ASTN2: variants seen among roughly 807,000 people sequenced by gnomAD.
ASTN2 encodes astrotactin-2.
Under a neutral mutation model 139.8 loss-of-function variants are expected in ASTN2, and 54 were observed. That is an observed-to-expected ratio of 0.39 (90% CI 0.31 to 0.48). The LOEUF is 0.48. Among genes scored for constraint, ASTN2 ranks in the 20% least tolerant of loss-of-function variants. The probability of loss-of-function intolerance (pLI) is 0.95; values close to 1 mark genes in which losing one functional copy is unlikely to be tolerated. For synonymous variants in ASTN2, 756 were observed against 719.5 expected, an observed-to-expected ratio of 1.05 and a Z score of -0.81; for missense variants, 1,565 against 1,725.1, an observed-to-expected ratio of 0.91 and a Z score of 1.64.
At chr9:116,655,552 C>T (rs188634874) in intron 16 of ASTN2, among the ~76,000 whole-genome samples, 1 of 152,314 alleles carries the variant, frequency 6.6e-6, no homozygotes, top group African/African-American at 2.4e-5. Context: ...AGGCTCTTCT[C>T]TCTGCACAGA....
intron 20 of ASTN2, among the ~76,000 whole-genome samples, chr9:116,444,110 T>C (rs1228179996): frequency 1.3e-5 from 2 of 152,184 alleles, no homozygotes; most frequent in Non-Finnish European, 2.9e-5. Flanking sequence ...ACTCTCTTTA[T>C]TTTATTTGTG....
chr9:116,576,745 G>A (rs185794286), intron 19 of ASTN2, among the ~76,000 whole-genome samples: 5 of 152,218 alleles, frequency 3.3e-5, no homozygotes, highest in Admixed American at 2.6e-4. Context: ...AAATAAAAGA[G>A]GGAAAGAGTA....
chr9:116,574,765 C>T (rs1225275446), intron 19 of ASTN2, among the ~76,000 whole-genome samples: 1 of 152,184 alleles, frequency 6.6e-6, no homozygotes, highest in Non-Finnish European at 1.5e-5. Flanking sequence ...TGCAGAAGTC[C>T]CAGTTTCATC....
intron 16 of ASTN2, among the ~76,000 whole-genome samples, chr9:116,659,028 T>G (rs1244221054): frequency 6.6e-6 from 1 of 152,058 alleles, no homozygotes; most frequent in African/African-American, 2.4e-5. Flanking sequence ...TAGAGGAAAA[T>G]TATCCCAGTA....
intron 10 of ASTN2, among the ~76,000 whole-genome samples, chr9:116,903,229 G>T (rs1834066217): frequency 6.6e-6 from 1 of 152,072 alleles, no homozygotes; most frequent in Non-Finnish European, 1.5e-5. Flanking sequence ...ATTTTACCCT[G>T]CTGTACTTTT....
At chr9:116,693,377 G>A (rs1860672217) in intron 16 of ASTN2, among the ~76,000 whole-genome samples, 1 of 152,130 alleles carries the variant, frequency 6.6e-6, no homozygotes, top group Non-Finnish European at 1.5e-5. Context: ...TACTACCTTG[G>A]TTACTCATTT....
chr9:116,635,962 G>A (rs1358309446), intron 17 of ASTN2, among the ~76,000 whole-genome samples: 1 of 152,212 alleles, frequency 6.6e-6, no homozygotes, highest in Non-Finnish European at 1.5e-5. Flanking sequence ...GAAAGATGAA[G>A]TGGAAAATGA....
intron 10 of ASTN2, among the ~76,000 whole-genome samples, chr9:116,902,721 C>A (rs1289543350): frequency 6.6e-6 from 1 of 152,202 alleles, no homozygotes; most frequent in South Asian, 2.1e-4. Flanking sequence ...TTTGGTTCTG[C>A]TTTTTCTAGA....
chr9:117,143,025 T>C (rs934582001), intron 3 of ASTN2, among the ~76,000 whole-genome samples: 1 of 152,206 alleles, frequency 6.6e-6, no homozygotes, highest in Admixed American at 6.5e-5. Flanking sequence ...TCTAAGGCGC[T>C]CCTGTTTTCT....
At chr9:117,045,983 C>CGTAT (rs1232985450) in intron 5 of ASTN2, among the ~76,000 whole-genome samples, 82 of 122,930 alleles carry the variant, frequency 6.7e-4, no homozygotes, top group Middle Eastern at 3.9e-3. Flanking sequence ...TATGTATGTA[C>CGTAT]GTACGTACGT....
In ASTN2 at chr9:117,209,987, T is replaced by C. The variant is rs370083973; in HGVS notation, c.1015+4371A>G. ...GTGAAGGAAGAAATTAAGAATAAAA[T>C]TTGAAAATTCCTTGAAACAAATGAA... On this transcript the variant is annotated intron_variant, in intron 3 of 22. Transcript: ENST00000313400. Among the ~76,000 whole-genome samples the C allele has an allele frequency of 2.6e-3, 398 of 152,178 alleles. 2 individuals are homozygous for C. The highest frequency in any genetic ancestry group is 0.024 in the South Asian group (117 of 4,822).
intron 13 of ASTN2, among the ~76,000 whole-genome samples, chr9:116,756,307 G>C (rs549999655): frequency 4.8e-4 from 73 of 152,064 alleles, no homozygotes; most frequent in Non-Finnish European, 9.7e-4. Flanking sequence ...CAGAGCTCAT[G>C]GTCTCAGGCC....
chr9:117,180,889 C>T (rs561145616), intron 3 of ASTN2: 53 of 1,587,008 alleles, frequency 3.3e-5, no homozygotes, highest in South Asian at 2.3e-4. Context: ...CTTGGCCCTG[C>T]GCAGGGCCTC....
intron 19 of ASTN2, among the ~76,000 whole-genome samples, chr9:116,607,057 G>A (rs1855245025): frequency 6.6e-6 from 1 of 152,276 alleles, no homozygotes; most frequent in Middle Eastern, 3.4e-3. Context: ...TGAGGTGAAT[G>A]TTTCAGATGT....
chr9:117,010,598 C>A (rs767271729), intron 6 of ASTN2, among the ~76,000 whole-genome samples: 1 of 152,128 alleles, frequency 6.6e-6, no homozygotes, highest in Non-Finnish European at 1.5e-5. Context: ...AAGTGTGATA[C>A]CAATTCCCTT....
intron 10 of ASTN2, among the ~76,000 whole-genome samples, chr9:116,939,134 T>A (rs1835157832): frequency 6.6e-6 from 1 of 152,144 alleles, no homozygotes; most frequent in African/African-American, 2.4e-5. Flanking sequence ...CACTAGCTGG[T>A]ACAATTTTGG....
At chr9:117,404,554 G>A (rs1200699890) in intron 1 of ASTN2, among the ~76,000 whole-genome samples, 1 of 152,182 alleles carries the variant, frequency 6.6e-6, no homozygotes, top group African/African-American at 2.4e-5. Flanking sequence ...TATTACGTAT[G>A]TGTGTGTATG....
At chr9:117,044,646 C>T (rs913878777) in intron 5 of ASTN2, among the ~76,000 whole-genome samples, 4 of 152,178 alleles carry the variant, frequency 2.6e-5, no homozygotes, top group Non-Finnish European at 5.9e-5. Context: ...GATGCAGAGA[C>T]AGAAAAGGGA....
chr9:117,021,569 A>T (rs1180709611), intron 6 of ASTN2, among the ~76,000 whole-genome samples: 1 of 152,166 alleles, frequency 6.6e-6, no homozygotes, highest in Non-Finnish European at 1.5e-5. Flanking sequence ...ATTCATTTAG[A>T]TGAGGAAGTC....
Sources: gnomAD v4.1 joint callset for allele counts (sites outside exome capture counted in the v4.1 genomes callset) on GRCh38, gnomAD v4.1.1 for gene constraint, MANE v1.5 for transcripts, NCBI Gene and HGNC (gene_info 2026-07-23, HGNC 2026-07-21) for gene names.